MAGEA4: variants seen among roughly 807,000 people sequenced by gnomAD.
MAGEA4 encodes MAGE family member A4.
MAGEA4 carries 1 observed loss-of-function variant against 13.7 expected under a neutral mutation model. The observed-to-expected ratio is 0.07, with a 90% CI of 0.03 to 0.35. The LOEUF is 0.35. Among genes scored for constraint, MAGEA4 ranks in the 10% least tolerant of loss-of-function variants. The pLI, the probability that MAGEA4 is intolerant of heterozygous loss-of-function variation, is 0.99. For missense variants in MAGEA4, 312 were observed against 245.1 expected, an observed-to-expected ratio of 1.27 and a Z score of -1.82; for synonymous variants, 132 against 101.1, an observed-to-expected ratio of 1.31 and a Z score of -1.83.
rs1236396849 is a variant in MAGEA4, at chrX:151,923,826, G to T, written c.162G>T (p.Val54=). 1 of 1,207,776 alleles carries T rather than the reference G, an allele frequency of 8.3e-7. No homozygotes were observed. Among genetic ancestry groups the T allele is most frequent in the African/African-American group, 1.8e-5 (1 of 57,092 alleles). ...TGGTCCCTGGCACCCTGGAGGAAGTGCCTGCTGCTGAGTCAGCAGGTCCTC... is the reference window on the plus strand; with the variant it reads ...TGGTCCCTGGCACCCTGGAGGAAGTTCCTGCTGCTGAGTCAGCAGGTCCTC... The part of the protein sequence containing the change: ...SPLVPGTLEE[V]PAAESAGPPQ... Residue 54 remains valine (V), a synonymous_variant, in exon 3 of 3, where the codon GTG becomes GTT. Transcript: ENST00000276344.
intron 1 of MAGEA4, 22 bp from the exon 2 acceptor site, chrX:151,923,431 G>C (rs1933538092): frequency 1.7e-6 from 2 of 1,161,991 alleles, no homozygotes; most frequent in Admixed American, 2.2e-5. Context: ...ACCCTGAGGT[G>C]CTCTCTCACT....
intron 1 of MAGEA4, chrX:151,919,073 C>T (rs760052226): frequency 0.019 from 14,229 of 741,865 alleles, 117 homozygotes; most frequent in Non-Finnish European, 0.021. Flanking sequence ...AGGCCCCCAC[C>T]CCAGATAGAC....
At chrX:151,913,610 C>A (rs1464830416) in intron 1 of MAGEA4, 1 of 746,076 alleles carries the variant, frequency 1.3e-6, no homozygotes, top group Non-Finnish European at 1.6e-6. Flanking sequence ...AGGGAGGACT[C>A]AGGAGGCCCC....
At chrX:151,919,174 G>A (rs1456797765) in intron 1 of MAGEA4, 17 of 408,258 alleles carry the variant, frequency 4.2e-5, no homozygotes, top group African/African-American at 4.0e-4. Flanking sequence ...ACCCCACTGC[G>A]TCTGAAGTCA....
At chrX:151,922,754 C>T (rs1380302331) in intron 1 of MAGEA4, among the ~76,000 whole-genome samples, 1 of 111,465 alleles carries the variant, frequency 9.0e-6, no homozygotes, top group African/African-American at 3.3e-5. Flanking sequence ...CTGCTGAGGT[C>T]CCTCTCTTAT....
rs758722494 is a variant in MAGEA4 at position 151,924,450 on chromosome X, A to G, written c.786A>G (p.Val262=). ...VQENYLEYRQ[V]PGSNPARYEF... ...AAAACTACCTGGAGTACCGGCAGGT[A>G]CCCGGCAGTAATCCTGCGCGCTATG... The change falls in exon 3 of 3, where the codon GTA becomes GTG. Residue 262 remains valine (V), a synonymous_variant. Coordinates refer to ENST00000276344, the MANE Select transcript of MAGEA4 (RefSeq NM_001011548.1). 75 of 1,210,181 alleles carry G rather than the reference A, an allele frequency of 6.2e-5. No homozygotes were observed. The highest frequency in any genetic ancestry group is 5.2e-4 in the Admixed American group (24 of 45,892).
chrX:151,922,810 G>T (rs1294439583), intron 1 of MAGEA4, among the ~76,000 whole-genome samples: 1 of 111,019 alleles, frequency 9.0e-6, no homozygotes, highest in Non-Finnish European at 1.9e-5. Flanking sequence ...GGTCTGAGGG[G>T]GCTGCACCCA....
intron 1 of MAGEA4, chrX:151,913,693 T>C: frequency 1.6e-6 from 1 of 622,485 alleles, no homozygotes; most frequent in Non-Finnish European, 1.9e-6. Context: ...GTGGGCGGAC[T>C]TCTGAGTCTG....
At chrX:151,919,634 T>A in intron 1 of MAGEA4, 9 of 748,376 alleles carry the variant, frequency 1.2e-5, no homozygotes, top group Non-Finnish European at 1.4e-5. Context: ...GACTTGCGCA[T>A]TGGGGGTTAG....
In MAGEA4 at chrX:151,924,222, C is replaced by T; in HGVS notation, c.558C>T (p.Ser186=). The change falls in exon 3 of 3, where the codon TCC becomes TCT. Residue 186 remains serine (S), a synonymous_variant. Transcript: ENST00000276344. ...CCCTTGTCACCTGCCTGGGCCTTTC[C>T]TATGATGGCCTGCTGGGTAATAATC... ...TYTLVTCLGL[S]YDGLLGNNQI... The T allele has an allele frequency of 8.3e-7, 1 of 1,210,545 alleles. No individual in the cohort carries two copies. The highest frequency in any genetic ancestry group is 1.1e-6 in the Non-Finnish European group (1 of 894,764).
intron 1 of MAGEA4, among the ~76,000 whole-genome samples, chrX:151,921,599 A>C (rs999272665): frequency 2.7e-5 from 3 of 110,826 alleles, no homozygotes; most frequent in Non-Finnish European, 3.8e-5. Context: ...CTACACCCCC[A>C]CCCCATCCGC....
At chrX:151,919,639 G>T (rs1426475085) in intron 1 of MAGEA4, 44 of 750,172 alleles carry the variant, frequency 5.9e-5, no homozygotes, top group African/African-American at 7.1e-5. Flanking sequence ...GCGCATTGGG[G>T]GTTAGAGAAA....
In MAGEA4 at chrX:151,924,031, C is replaced by T. The variant is rs143837393; in HGVS notation, c.367C>T (p.Arg123Cys). ...GGATGAGTTGGCTCATTTTCTGCTC[C>T]GCAAGTATCGAGCCAAGGAGCTGGT... ...KVDELAHFLL[R>C]KYRAKELVTK... The change falls in exon 3 of 3, where the codon CGC becomes TGC. Residue 123 changes from arginine to cysteine, a missense_variant. Transcript: ENST00000276344. 41 of 1,210,757 alleles carry T rather than the reference C, an allele frequency of 3.4e-5. No individual in the cohort carries two copies. The highest frequency in any genetic ancestry group is 2.4e-4 in the Admixed American group (11 of 45,919).
intron 1 of MAGEA4, chrX:151,919,625 A>G: frequency 2.7e-6 from 2 of 748,718 alleles, no homozygotes; most frequent in Non-Finnish European, 3.1e-6. Context: ...GATGCCACTG[A>G]CTTGCGCATT....
upstream of MAGEA4, chrX:151,912,485 T>C: frequency 2.8e-6 from 1 of 359,301 alleles, no homozygotes; most frequent in South Asian, 2.5e-5. Context: ...CGCATTGGTC[T>C]GACCAGCAAC....
rs1206635342 is a variant in MAGEA4 at position 151,924,814 on chromosome X, C to A, written c.*196C>A. On this transcript the variant is annotated 3_prime_UTR_variant, in exon 3 of 3. Transcript: ENST00000276344. Reference sequence around the variant, plus strand: ...GGAGATTTATCTCTGTTTCCTTTTACAATTGTTGAAATGTTCCTTTTAATG... The same window carrying A: ...GGAGATTTATCTCTGTTTCCTTTTAAAATTGTTGAAATGTTCCTTTTAATG... 4 of 399,149 alleles carry A rather than the reference C, an allele frequency of 1.0e-5. No homozygotes were observed. Among genetic ancestry groups the A allele is most frequent in the Non-Finnish European group, 1.7e-5 (4 of 238,911 alleles). The allele number at this position is 399,149 out of a possible 1,213,427, so 32.9% of individuals were successfully genotyped here.
At chrX:151,913,724 C>A (rs1330138909) in intron 1 of MAGEA4, 1 of 475,723 alleles carries the variant, frequency 2.1e-6, no homozygotes, top group South Asian at 1.1e-4. Flanking sequence ...CACCCCACTG[C>A]CTCTGAAGTT....
intron 1 of MAGEA4, among the ~76,000 whole-genome samples, chrX:151,919,911 A>G (rs1036362292): frequency 2.3e-4 from 25 of 110,063 alleles, no homozygotes; most frequent in African/African-American, 8.0e-4. Context: ...TCAGTGCAAG[A>G]CTGGTGAGGG....
intron 1 of MAGEA4, chrX:151,919,048 G>A (rs950222747): frequency 1.6e-5 from 12 of 747,631 alleles, no homozygotes; most frequent in Non-Finnish European, 1.6e-5. Flanking sequence ...GTGAGACGCT[G>A]AGGGAGGACT....
Sources: gnomAD v4.1 joint callset for allele counts (sites outside exome capture counted in the v4.1 genomes callset) on GRCh38, gnomAD v4.1.1 for gene constraint, MANE v1.5 for transcripts, NCBI Gene and HGNC (gene_info 2026-07-23, HGNC 2026-07-21) for gene names.